Variants in CHRNA5 observed in about 807,000 individuals in gnomAD.
CHRNA5 encodes the protein neuronal acetylcholine receptor subunit alpha-5.
A neutral mutation model predicts 41.2 loss-of-function variants in CHRNA5; 28 were observed. The observed-to-expected ratio is 0.68, with a 90% CI of 0.50 to 0.93. The LOEUF (loss-of-function observed/expected upper bound fraction) is 0.93, where lower values mean the gene tolerates loss of function less well. Among genes scored for constraint, CHRNA5 ranks in the 40% least tolerant of loss-of-function variants. The probability of loss-of-function intolerance (pLI) is 0.00; values close to 1 mark genes in which losing one functional copy is unlikely to be tolerated. For missense variants in CHRNA5, 481 were observed against 581.9 expected (o/e 0.83, Z 1.78); for synonymous variants, 188 against 205.8 (o/e 0.91, Z 0.74).
rs142403922 is a variant in CHRNA5 at position 78,578,325 on chromosome 15, G to C, written c.107-2486G>C. Among the ~76,000 whole-genome samples the C allele has an allele frequency of 7.9e-3, 1,207 of 152,070 alleles. 11 individuals carry two copies. The highest frequency in any genetic ancestry group is 0.02 in the Middle Eastern group (6 of 294). ...GAGTTCAAGACCAGCCTGACCAGTA[G>C]GGTGAAACCCCATCTCTACTAAAAA... On this transcript the variant is annotated intron_variant, in intron 1 of 5. Transcript: ENST00000299565.
At chr15:78,573,963 ATT>A (rs979485573) in intron 1 of CHRNA5, among the ~76,000 whole-genome samples, 7 of 102,070 alleles carry the variant, frequency 6.9e-5, no homozygotes, top group Admixed American at 1.1e-4. Flanking sequence ...CGCCTGGCTA[ATT>A]TTTTTTTTTT....
chr15:78,587,068 A>G (rs1348152231), intron 3 of CHRNA5, among the ~76,000 whole-genome samples: 2 of 152,204 alleles, frequency 1.3e-5, no homozygotes. Context: ...AGGCTTCACA[A>G]TGATGGTGGA....
intron 5 of CHRNA5, chr15:78,590,893 A>G (rs1420981790): frequency 2.2e-6 from 1 of 446,884 alleles, no homozygotes. Context: ...TCTAAAGAAA[A>G]TTTAGTGTTA....
chr15:78,588,382 T>C lies in CHRNA5; in HGVS notation c.372T>C (p.Pro124=). The C allele has an allele frequency of 6.3e-7, 1 of 1,587,880 alleles. No individual in the cohort carries two copies. Among genetic ancestry groups the C allele is most frequent in the Non-Finnish European group, 8.6e-7 (1 of 1,163,668 alleles). ...GTGGAATAAAAGTTATACGTGTTCCTTCAGACTCTGTCTGGACACCAGACA... is the reference window on the plus strand; with the variant it reads ...GTGGAATAAAAGTTATACGTGTTCCCTCAGACTCTGTCTGGACACCAGACA... Residue 124 remains proline, a synonymous_variant, in exon 4 of 6, where the codon CCT becomes CCC. Coordinates refer to ENST00000299565, the Ensembl canonical transcript of CHRNA5. The surrounding 1 kb of genome is among the most constrained non-coding windows in gnomAD (Gnocchi z 4.1).
rs1435677712 is a variant in CHRNA5, at chr15:78,588,478, C to A, written c.413+55C>A. On this transcript the variant is annotated intron_variant, in intron 4 of 5. Coordinates refer to ENST00000299565, the Ensembl canonical transcript of CHRNA5. The surrounding 1 kb of genome is among the most constrained non-coding windows in gnomAD (Gnocchi z 4.1). The stretch of plus-strand genomic sequence containing the variant: ...TTTTCAAAAGAAAACATTTGTATTT[C>A]TATTAGGCACTAATAATTTTTCTCC... The A allele has an allele frequency of 1.2e-6, 1 of 804,542 alleles. No homozygotes were observed. The highest frequency in any genetic ancestry group is 1.8e-6 in the Non-Finnish European group (1 of 545,084). The allele number at this position is 804,542 out of a possible 1,614,324, so 49.8% of individuals were successfully genotyped here.
At chr15:78,593,366 C>T in exon 6 of CHRNA5, 2 of 1,053,760 alleles carry the variant, frequency 1.9e-6, no homozygotes, top group Non-Finnish European at 2.6e-6. Context: ...CTTTAACAGA[C>T]TAAGTTGCTA....
intron 1 of CHRNA5, among the ~76,000 whole-genome samples, chr15:78,566,093 A>G (rs577309909): frequency 1.3e-5 from 2 of 152,136 alleles, no homozygotes; most frequent in African/African-American, 4.8e-5. Flanking sequence ...GTATACTTCC[A>G]CACAACTTTT....
In CHRNA5 at chr15:78,588,410, G is replaced by T. The variant is rs2229961; in HGVS notation, c.400G>T (p.Val134Phe). 2.7e-6 allele frequency: 4 copies of T among 1,501,926 alleles called. No homozygotes were observed. The highest frequency in any genetic ancestry group is 3.6e-6 in the Non-Finnish European group (4 of 1,107,262). The allele number at this position is 1,501,926 out of a possible 1,614,324, so 93.0% of individuals were successfully genotyped here. A position where few individuals can be genotyped will look rare whatever the true frequency, so the allele number is the denominator to read the frequency against. ...AGACTCTGTCTGGACACCAGACATC[G>T]TTTTGTTTGATAAGTAAGTTATATT... Residue 134 changes from valine to phenylalanine, a missense_variant, in exon 4 of 6, where the codon GTT becomes TTT. Physicochemically the swap from Val to Phe is conservative, Grantham distance 50. Coordinates refer to ENST00000299565, the Ensembl canonical transcript of CHRNA5. This position sits in a 1 kb window ranked among gnomAD's most constrained non-coding sequence, Gnocchi z 4.1.
rs963252235 is a variant in CHRNA5 at position 78,580,938 on chromosome 15, T to G, written c.234T>G (p.Leu78=). 5.0e-6 allele frequency: 8 copies of G among 1,613,772 alleles called. No homozygotes were observed. The African/African-American group carries it at 9.3e-5, about 19-fold the overall frequency. Residue 78 remains leucine (L), a synonymous_variant, in exon 2 of 6, where the codon CTT becomes CTG. Coordinates refer to ENST00000299565, the Ensembl canonical transcript of CHRNA5. ...ACAAAATAAAAATAAAATTTGGACT[T>G]GCAATATCTCAATTGGTGGATGTGG... is the stretch of plus-strand genomic sequence containing the variant.
chr15:78,573,045 TCTG>T (rs1287754530), intron 1 of CHRNA5, among the ~76,000 whole-genome samples: 2 of 152,246 alleles, frequency 1.3e-5, no homozygotes, highest in Admixed American at 6.5e-5. Context: ...TAGTTCTACT[TCTG>T]CTGCTTATTA....
chr15:78,583,496 A>G (rs1596061402), intron 2 of CHRNA5, among the ~76,000 whole-genome samples: 1 of 152,090 alleles, frequency 6.6e-6, no homozygotes, highest in South Asian at 2.1e-4. Context: ...GATTGAGACC[A>G]TCCTGGCTAA....
chr15:78,580,760 A>C, intron 1 of CHRNA5, 51 bp from the exon 2 acceptor site: 1 of 1,500,512 alleles, frequency 6.7e-7, no homozygotes, highest in Non-Finnish European at 9.1e-7. Context: ...AAGTACAGGT[A>C]TCTGGTGGGA....
At chr15:78,574,151 C>T (rs938500930) in intron 1 of CHRNA5, among the ~76,000 whole-genome samples, 27 of 150,984 alleles carry the variant, frequency 1.8e-4, no homozygotes, top group African/African-American at 6.1e-4. Context: ...GAGGCCAAGG[C>T]GGGCGGATCA....
exon 6 of CHRNA5, chr15:78,594,883 T>C (rs1158582245): frequency 1.3e-5 from 2 of 152,340 alleles, no homozygotes; most frequent in Non-Finnish European, 1.5e-5. Context: ...ACAGCGTAAA[T>C]GATTTAGTAC....
chr15:78,593,001 G>A lies in CHRNA5; in HGVS notation c.1246-91G>A, dbSNP rs372562923. Reference sequence around the variant, plus strand: ...GAGGCAGCAATGGGAGGCAGAAATCGATTTGGCTTCTAACTCAGTGTGTTT... The same window carrying A: ...GAGGCAGCAATGGGAGGCAGAAATCAATTTGGCTTCTAACTCAGTGTGTTT... On this transcript the variant is annotated intron_variant, in intron 5 of 5. Coordinates refer to ENST00000299565, the Ensembl canonical transcript of CHRNA5. The A allele has an allele frequency of 1.2e-4, 182 of 1,483,958 alleles. 1 individual carries two copies. In the Middle Eastern group the frequency reaches 2.7e-3, roughly 22 times the overall value. 91.9% of individuals were successfully genotyped at this position (1,483,958 alleles called of 1,614,324 possible).
At chr15:78,584,477 G>A (rs1368559316) in intron 2 of CHRNA5, among the ~76,000 whole-genome samples, 1 of 152,210 alleles carries the variant, frequency 6.6e-6, no homozygotes, top group African/African-American at 2.4e-5. Context: ...ATTGTGCTGA[G>A]CACATTATAG....
chr15:78,571,578 CTTTTT>C (rs34248937), intron 1 of CHRNA5, among the ~76,000 whole-genome samples: 14 of 116,578 alleles, frequency 1.2e-4, no homozygotes, highest in African/African-American at 4.4e-4. Flanking sequence ...GATGCTCTGC[CTTTTT>C]TTTTTTTTTT....
intron 1 of CHRNA5, among the ~76,000 whole-genome samples, chr15:78,576,798 C>CAA (rs150275412): frequency 5.1e-5 from 5 of 97,634 alleles, no homozygotes; most frequent in Non-Finnish European, 8.3e-5. Context: ...GACCCAGTCT[C>CAA]AAAAAAAAAA....
Position 78,588,199 on chromosome 15 carries a change from T to G in CHRNA5, c.304-115T>G. 11 of 525,554 alleles carry G rather than the reference T, an allele frequency of 2.1e-5. No homozygotes were observed. Among genetic ancestry groups the G allele is most frequent in the Middle Eastern group, 3.2e-4 (1 of 3,106 alleles). The allele number at this position is 525,554 out of a possible 1,614,324, so 32.6% of individuals were successfully genotyped here. On this transcript the variant is annotated intron_variant, in intron 3 of 5. Coordinates refer to ENST00000299565, the Ensembl canonical transcript of CHRNA5. The surrounding 1 kb of genome is among the most constrained non-coding windows in gnomAD (Gnocchi z 4.1). The stretch of plus-strand genomic sequence containing the variant: ...AAGAAAGACAGGGAGGTGTTCTCTA[T>G]TGGGGGTAGAGATGATCTCATGTCT...
Sources: gnomAD v4.1 joint callset for allele counts (sites outside exome capture counted in the v4.1 genomes callset) on GRCh38, gnomAD v4.1.1 for gene constraint, Gnocchi (gnomAD v3.1) non-coding constraint, MANE v1.5 for transcripts, NCBI Gene and HGNC (gene_info 2026-07-23, HGNC 2026-07-21) for gene names.